Variants in DOCK10 observed in about 807,000 individuals in gnomAD.
DOCK10 encodes dedicator of cytokinesis protein 10.
A neutral mutation model predicts 280.1 loss-of-function variants in DOCK10; 145 were observed. That is an observed-to-expected ratio of 0.52 (90% CI 0.45 to 0.59). The LOEUF (loss-of-function observed/expected upper bound fraction) is 0.59, where lower values mean the gene tolerates loss of function less well. DOCK10 is among the 20% of genes least tolerant of loss of function. The probability of loss-of-function intolerance (pLI) is 0.00; values close to 1 mark genes in which losing one functional copy is unlikely to be tolerated. For synonymous variants in DOCK10, 915 were observed against 942.2 expected (o/e 0.97, Z 0.53); for missense variants, 2,368 against 2,651.7 (o/e 0.89, Z 2.35).
Position 224,800,185 on chromosome 2 carries a change from A to G in DOCK10, c.4472T>C (p.Leu1491Pro). The G allele has an allele frequency of 6.2e-7, 1 of 1,611,846 alleles. No homozygotes were observed. Among genetic ancestry groups the G allele is most frequent in the East Asian group, 2.2e-5 (1 of 44,818 alleles). Residue 1491 changes from leucine to proline, a missense_variant, in exon 41 of 56, where the codon CTG (leucine) becomes CCG (proline). This residue lies in a region of DOCK10 where 1,159 missense variants were observed against 1,400.8 expected (regional missense o/e 0.83). Coordinates refer to ENST00000258390, the MANE Select transcript of DOCK10 (RefSeq NM_014689.3). ...CTGTGTGAAGAGGGATAACAGGTCC[A>G]GAATAGTGAGGCAAACCTCCGTAGC... Reference protein sequence around the residue: ...NIATEVCLTILDLLSLFTQTH... With the variant: ...NIATEVCLTIPDLLSLFTQTH...
intron 1 of DOCK10, chr2:224,946,923 C>A: frequency 6.5e-7 from 1 of 1,541,966 alleles, no homozygotes; most frequent in Non-Finnish European, 8.7e-7. Context: ...ACTGGGCTCC[C>A]GTTTAAAAAC....
At chr2:224,778,406 TAAC>T (rs1574800887) in intron 50 of DOCK10, 122 bp from the exon 51 acceptor site, 5 of 897,214 alleles carry the variant, frequency 5.6e-6, no homozygotes, top group Non-Finnish European at 7.1e-6. Context: ...ATCCATTGGT[TAAC>T]ACCCTATAAA....
chr2:224,981,173 C>T (rs758150478), intron 1 of DOCK10, among the ~76,000 whole-genome samples: 36 of 151,892 alleles, frequency 2.4e-4, no homozygotes, highest in Non-Finnish European at 4.3e-4. Flanking sequence ...GAAATTATTC[C>T]TATTTACTGT....
Position 224,834,154 on chromosome 2 carries a change from A to C in DOCK10, c.2960T>G (p.Leu987Arg), listed in dbSNP as rs760545667. Residue 987 changes from leucine to arginine, a missense_variant, in exon 26 of 56, where the codon CTA becomes CGA. Physicochemically the swap from Leu to Arg is moderately radical, Grantham distance 102 (BLOSUM62 -2). This residue lies in a region of DOCK10 where 1,209 missense variants were observed against 1,250.9 expected (regional missense o/e 0.97). Coordinates refer to ENST00000258390, the MANE Select transcript of DOCK10 (RefSeq NM_014689.3). ...SNDSTTVKHV[L>R]KHSWFFFAII... ...GGACCATCTTTAAATTCTTACCTTT[A>C]GGACATGCTTTACTGTTGTTGAGTC... is the stretch of plus-strand genomic sequence containing the variant. The C allele has an allele frequency of 1.3e-6, 2 of 1,598,438 alleles. No individual in the cohort carries two copies. Among genetic ancestry groups the C allele is most frequent in the South Asian group, 2.2e-5 (2 of 90,776 alleles).
intron 1 of DOCK10, among the ~76,000 whole-genome samples, chr2:224,952,179 G>A (rs1432545282): frequency 6.6e-6 from 1 of 152,248 alleles, no homozygotes. Context: ...GAAAATTCAT[G>A]TTTGAATAAT....
At chr2:224,799,592 A>G (rs917063142) in intron 41 of DOCK10, among the ~76,000 whole-genome samples, 1 of 152,238 alleles carries the variant, frequency 6.6e-6, no homozygotes, top group African/African-American at 2.4e-5. Context: ...AGAGACTGCC[A>G]TACTGTTCTC....
chr2:224,908,949 A>G (rs1473220585), intron 3 of DOCK10, among the ~76,000 whole-genome samples: 1 of 152,212 alleles, frequency 6.6e-6, no homozygotes. Flanking sequence ...CTTTGTTGTC[A>G]GAGTAACTTG....
rs1324439340 is a variant in DOCK10, at chr2:225,018,290, G to A, written c.123+23962C>T. 3.3e-5 allele frequency among the ~76,000 whole-genome samples: 5 copies of A among 151,616 alleles called. No individual in the cohort carries two copies. The East Asian group carries it at 7.7e-4, about 23-fold the overall frequency. ...TTCTTAACAGTTTGAAGGGAGAAAC[G>A]CTAACCCAGGGGTAGGTATGGAATG... On this transcript the variant is annotated intron_variant, in intron 1 of 55. Transcript: ENST00000258390.
chr2:225,035,464 A>T (rs1178906508), intron 1 of DOCK10, among the ~76,000 whole-genome samples: 2 of 139,960 alleles, frequency 1.4e-5, no homozygotes, highest in Non-Finnish European at 3.2e-5. Flanking sequence ...GGATTTTCTG[A>T]TATCACCATT....
At chr2:224,850,982 C>G (rs1313507901) in intron 18 of DOCK10, among the ~76,000 whole-genome samples, 1 of 152,144 alleles carries the variant, frequency 6.6e-6, no homozygotes, top group Non-Finnish European at 1.5e-5. Flanking sequence ...CCCATGGAAC[C>G]AGCTCTGGTC....
intron 2 of DOCK10, among the ~76,000 whole-genome samples, chr2:224,929,581 G>A (rs1405892134): frequency 6.6e-6 from 1 of 152,152 alleles, no homozygotes; most frequent in Non-Finnish European, 1.5e-5. Context: ...TGAAGGCAGT[G>A]GGGGAGCCAC....
intron 1 of DOCK10, among the ~76,000 whole-genome samples, chr2:225,031,226 G>A (rs191092429): frequency 6.6e-6 from 1 of 152,318 alleles, no homozygotes; most frequent in East Asian, 1.9e-4. Flanking sequence ...TGGCTGCCAG[G>A]GAAGTGGTGA....
intron 25 of DOCK10, 101 bp from the exon 26 acceptor site, chr2:224,834,364 A>T: frequency 1.4e-6 from 1 of 728,096 alleles, no homozygotes; most frequent in Non-Finnish European, 2.4e-6. Context: ...TTATCTGCTC[A>T]TGCCAGATTT....
At chr2:224,837,915 T>C (rs1244024902) in intron 24 of DOCK10, 84 bp from the exon 25 acceptor site, 2 of 1,060,980 alleles carry the variant, frequency 1.9e-6, no homozygotes, top group Admixed American at 1.8e-5. Flanking sequence ...GCTTTGTAAA[T>C]TGGGTATTTA....
At chr2:224,939,615 A>C (rs1218392114) in intron 1 of DOCK10, among the ~76,000 whole-genome samples, 2 of 152,240 alleles carry the variant, frequency 1.3e-5, no homozygotes, top group Non-Finnish European at 2.9e-5. Flanking sequence ...GCTGCCTGAC[A>C]CAAGGGAAAT....
chr2:224,984,636 G>C (rs1436181186), intron 1 of DOCK10, among the ~76,000 whole-genome samples: 1 of 150,274 alleles, frequency 6.7e-6, no homozygotes, highest in Non-Finnish European at 1.5e-5. Context: ...AAATAAAAAA[G>C]ATGAAACGCA....
At chr2:224,884,565 T>C (rs184893759) in intron 7 of DOCK10, among the ~76,000 whole-genome samples, 1 of 152,330 alleles carries the variant, frequency 6.6e-6, no homozygotes, top group African/African-American at 2.4e-5. Flanking sequence ...AATGTCCAAA[T>C]GGGGTCTATG....
At chr2:224,892,016 A>G (rs1699695532) in intron 4 of DOCK10, among the ~76,000 whole-genome samples, 1 of 152,192 alleles carries the variant, frequency 6.6e-6, no homozygotes, top group Non-Finnish European at 1.5e-5. Context: ...AAGTTCCTGA[A>G]CTGAGGAAGC....
intron 1 of DOCK10, among the ~76,000 whole-genome samples, chr2:225,006,441 A>C (rs1689253773): frequency 6.6e-6 from 1 of 152,132 alleles, no homozygotes; most frequent in Non-Finnish European, 1.5e-5. Context: ...CCATTTCTTA[A>C]ATGTCGACAT....
Sources: allele counts gnomAD v4.1 joint callset (sites outside exome capture counted in the v4.1 genomes callset), GRCh38; gene constraint gnomAD v4.1.1; regional missense constraint gnomAD v4.1.1; transcripts MANE v1.5; gene names NCBI Gene and HGNC (gene_info 2026-07-23, HGNC 2026-07-21).